Variants in ANXA8 observed in about 807,000 individuals in gnomAD.
ANXA8 encodes the protein annexin A8, also known as VAC-beta.
Under a neutral mutation model 26.8 loss-of-function variants are expected in ANXA8, and 9 were observed. The observed-to-expected ratio is 0.34, with a 90% CI of 0.20 to 0.59. The LOEUF is 0.59. Ranked by LOEUF, ANXA8 falls within the 20% of genes least tolerant of loss-of-function variation. The pLI, the probability that ANXA8 is intolerant of heterozygous loss-of-function variation, is 0.84. For missense variants in ANXA8, 83 were observed against 238.5 expected, an observed-to-expected ratio of 0.35 and a Z score of 4.29; for synonymous variants, 39 against 94.8, an observed-to-expected ratio of 0.41 and a Z score of 3.42.
chr10:47,883,169 AG>A, the ANXA8 span, among the ~76,000 whole-genome samples: 58 of 972 alleles, frequency 0.06, 2 homozygotes, highest in African/African-American at 0.25. Flanking sequence ...CTGCAGCATT[AG>A]GTCCTGGCCA....
the ANXA8 span, among the ~76,000 whole-genome samples, chr10:47,699,134 G>A: frequency 2.6e-4 from 39 of 151,394 alleles, no homozygotes; most frequent in Non-Finnish European, 5.9e-5. Flanking sequence ...ATCTCTTGAG[G>A]CCAGGAGTTT....
chr10:47,649,285 G>A, the ANXA8 span, among the ~76,000 whole-genome samples: 42 of 151,422 alleles, frequency 2.8e-4, no homozygotes, highest in East Asian at 5.8e-4. Flanking sequence ...TTATTTATCC[G>A]AATTATTCCA....
the ANXA8 span, among the ~76,000 whole-genome samples, chr10:47,561,626 GC>G: frequency 6.6e-6 from 1 of 151,756 alleles, no homozygotes; most frequent in Non-Finnish European, 1.5e-5. Flanking sequence ...TGTGGCCATA[GC>G]TTTTCTTTCT....
intron 11 of ANXA8, among the ~76,000 whole-genome samples, chr10:47,469,745 T>TG (rs1204536863): frequency 3.4e-4 from 51 of 151,606 alleles, no homozygotes; most frequent in African/African-American, 1.2e-3. Context: ...AGGGGTAGAC[T>TG]GGGGCTAGAC....
the ANXA8 span, among the ~76,000 whole-genome samples, chr10:47,733,183 T>TTCTCTCTCTCTC: frequency 1.1e-5 from 1 of 87,044 alleles, no homozygotes; most frequent in African/African-American, 3.2e-5. Flanking sequence ...CTTTCTTTCT[T>TTCTCTCTCTCTC]TCTTTCTTTC....
chr10:47,690,389 T>C, the ANXA8 span: 2 of 1,359,194 alleles, frequency 1.5e-6, no homozygotes, highest in Non-Finnish European at 2.1e-6. Context: ...AAGCAGCAGT[T>C]AAGAAGGTCT....
the ANXA8 span, among the ~76,000 whole-genome samples, chr10:47,977,620 G>C: frequency 6.6e-6 from 1 of 151,414 alleles, no homozygotes; most frequent in Non-Finnish European, 1.5e-5. Flanking sequence ...TAAAGAGATA[G>C]AAAATTATAT....
At chr10:47,942,335 T>C in the ANXA8 span, among the ~76,000 whole-genome samples, 2 of 145,216 alleles carry the variant, frequency 1.4e-5, no homozygotes, top group Non-Finnish European at 3.0e-5. Flanking sequence ...GATGCAAGCT[T>C]CTAAGCCTCT....
At chr10:47,555,867 G>C in the ANXA8 span, among the ~76,000 whole-genome samples, 8 of 152,066 alleles carry the variant, frequency 5.3e-5, no homozygotes, top group Non-Finnish European at 4.4e-5. Flanking sequence ...ATGTTTGTTG[G>C]ATGGATAATG....
At chr10:47,765,478 T>A in the ANXA8 span, among the ~76,000 whole-genome samples, 2 of 151,516 alleles carry the variant, frequency 1.3e-5, no homozygotes, top group Non-Finnish European at 2.9e-5. Flanking sequence ...GCCCGAGCTG[T>A]ACTCAGGCTG....
At chr10:47,700,667 T>C in the ANXA8 span, among the ~76,000 whole-genome samples, 1 of 151,670 alleles carries the variant, frequency 6.6e-6, no homozygotes, top group Non-Finnish European at 1.5e-5. Context: ...TGTAGAAAAA[T>C]AAATTTTGCA....
the ANXA8 span, among the ~76,000 whole-genome samples, chr10:47,943,373 GCCC>G: frequency 1.4e-5 from 2 of 146,654 alleles, no homozygotes; most frequent in Non-Finnish European, 3.0e-5. Flanking sequence ...GGGTCAAAGT[GCCC>G]CCTGCCTCCA....
the ANXA8 span, among the ~76,000 whole-genome samples, chr10:47,673,216 A>G: frequency 6.6e-6 from 1 of 151,736 alleles, no homozygotes; most frequent in Admixed American, 6.6e-5. Flanking sequence ...GTAGTAAGCC[A>G]AAAGCCTGGG....
chr10:47,525,473 T>C, the ANXA8 span, among the ~76,000 whole-genome samples: 1 of 138,352 alleles, frequency 7.2e-6, no homozygotes, highest in Non-Finnish European at 1.5e-5. Context: ...AAGAACAGCA[T>C]GAGGATAACT....
At chr10:47,661,858 C>A in the ANXA8 span, among the ~76,000 whole-genome samples, 3,408 of 143,498 alleles carry the variant, frequency 0.024, 56 homozygotes, top group African/African-American at 0.095. Flanking sequence ...TAAAGGGATA[C>A]CAAAATAATC....
chr10:47,968,266 T>C, the ANXA8 span, among the ~76,000 whole-genome samples: 4 of 151,116 alleles, frequency 2.6e-5, no homozygotes, highest in African/African-American at 9.7e-5. Flanking sequence ...CCATAGCTAC[T>C]GCTGCTGCTG....
the ANXA8 span, among the ~76,000 whole-genome samples, chr10:47,593,393 C>T: frequency 6.7e-6 from 1 of 149,760 alleles, no homozygotes; most frequent in Non-Finnish European, 1.5e-5. Flanking sequence ...CTCCATCTCC[C>T]CTCCCCAGTG....
the ANXA8 span, among the ~76,000 whole-genome samples, chr10:47,743,405 T>TGTGTGTGTGA: frequency 1.2e-5 from 1 of 83,528 alleles, no homozygotes; most frequent in Admixed American, 1.7e-4. Flanking sequence ...TGTGTGTGTG[T>TGTGTGTGTGA]GAGAGAGAGA....
the ANXA8 span, among the ~76,000 whole-genome samples, chr10:47,575,368 A>T: frequency 8.1e-6 from 1 of 122,918 alleles, no homozygotes; most frequent in South Asian, 3.1e-4. Context: ...TTGTATTTTT[A>T]TCAAACATAC....
Sources: gnomAD v4.1 joint callset for allele counts (sites outside exome capture counted in the v4.1 genomes callset) on GRCh38, gnomAD v4.1.1 for gene constraint, MANE v1.5 for transcripts, NCBI Gene and HGNC (gene_info 2026-07-23, HGNC 2026-07-21) for gene names.